The following DIS3L2 variants were observed in gnomAD, a reference collection of about 807,000 sequenced individuals.
The protein encoded by DIS3L2 is DIS3-like exonuclease 2.
In DIS3L2, 34 loss-of-function variants were observed where a neutral mutation model predicts 97.5. The ratio of observed to expected loss-of-function variants is 0.35; its 90% CI spans 0.27 to 0.46. DIS3L2 has a LOEUF of 0.46. Ranked by LOEUF, DIS3L2 falls within the 20% of genes least tolerant of loss-of-function variation. The pLI is 1.00. For synonymous variants in DIS3L2, 435 were observed against 445.2 expected (o/e 0.98, Z 0.29); for missense variants, 1,038 against 1,146.0 (o/e 0.91, Z 1.36).
At chr2:232,343,759 C>A in exon 14 of DIS3L2, 1 of 629,764 alleles carries the variant, frequency 1.6e-6, no homozygotes. Context: ...GCTATACCCT[C>A]TTCAGCCTTG....
intron 11 of DIS3L2, among the ~76,000 whole-genome samples, chr2:232,247,626 GGGGGGGGGGCGGGGGGGA>G (rs1693294165): frequency 1.7e-5 from 1 of 60,198 alleles, no homozygotes; most frequent in Non-Finnish European, 3.9e-5. Flanking sequence ...CGGGGGGGGG[GGGGGGGGGGCGGGGGGGA>G]GGGTGCCAAT....
At chr2:232,341,853 A>G (rs1011067902), downstream of DIS3L2, among the ~76,000 whole-genome samples, 4 of 152,176 alleles carry the variant, frequency 2.6e-5, no homozygotes, top group Admixed American at 6.5e-5. Flanking sequence ...AGGAAGCCCA[A>G]GCAGCTCTGG....
chr2:232,084,263 A>G (rs1361042903), intron 5 of DIS3L2, among the ~76,000 whole-genome samples: 1 of 152,172 alleles, frequency 6.6e-6, no homozygotes, highest in African/African-American at 2.4e-5. Flanking sequence ...CAGGCTGTGT[A>G]TTCCTTATCC....
intron 9 of DIS3L2, among the ~76,000 whole-genome samples, chr2:232,203,570 T>C (rs1691952967): frequency 6.6e-6 from 1 of 152,214 alleles, no homozygotes; most frequent in South Asian, 2.1e-4. Flanking sequence ...GTCCATCAGC[T>C]ATTCATTACA....
At chr2:232,086,277 A>ACACGTATAGACGTG (rs1491289321) in intron 5 of DIS3L2, among the ~76,000 whole-genome samples, 8 of 150,290 alleles carry the variant, frequency 5.3e-5, no homozygotes, top group Non-Finnish European at 7.4e-5. Flanking sequence ...GTGTATATAC[A>ACACGTATAGACGTG]TATACGTATA....
chr2:232,155,988 T>TAA (rs58242528), intron 8 of DIS3L2, among the ~76,000 whole-genome samples: 1 of 137,302 alleles, frequency 7.3e-6, no homozygotes. Context: ...AGACTCCATC[T>TAA]AAAAAAAAAA....
At chr2:232,003,566 A>G (rs1202393045) in intron 1 of DIS3L2, among the ~76,000 whole-genome samples, 1 of 152,186 alleles carries the variant, frequency 6.6e-6, no homozygotes, top group East Asian at 1.9e-4. Context: ...CTGAAAATCC[A>G]GTTTTGCTCT....
chr2:232,166,656 C>G (rs1690831227), intron 9 of DIS3L2, among the ~76,000 whole-genome samples: 1 of 152,094 alleles, frequency 6.6e-6, no homozygotes, highest in African/African-American at 2.4e-5. Flanking sequence ...GCGGAGGTTG[C>G]AGTGAGCCAA....
intron 1 of DIS3L2, among the ~76,000 whole-genome samples, chr2:232,013,410 C>A (rs1294407325): frequency 6.6e-6 from 1 of 152,232 alleles, no homozygotes; most frequent in Admixed American, 6.5e-5. Flanking sequence ...CTTGCCACTG[C>A]CTCCCTTCAT....
At chr2:232,317,778 T>C (rs1695317512) in intron 14 of DIS3L2, among the ~76,000 whole-genome samples, 2 of 152,224 alleles carry the variant, frequency 1.3e-5, no homozygotes, top group Admixed American at 6.5e-5. Flanking sequence ...CTCTGAATTG[T>C]CACTGAATTA....
chr2:232,208,801 G>T lies in DIS3L2; in HGVS notation c.1125-1525G>T, dbSNP rs549102517. On this transcript the variant is annotated intron_variant, in intron 9 of 20. Transcript: ENST00000325385. ...CCAGCACTTTGGGAGGCCAAGTTGAGAGGATCCCTTGAAGCCAGGAGTTTG... is the reference window on the plus strand; with the variant it reads ...CCAGCACTTTGGGAGGCCAAGTTGATAGGATCCCTTGAAGCCAGGAGTTTG... Among the ~76,000 whole-genome samples, 5 of 152,246 alleles carry T rather than the reference G, an allele frequency of 3.3e-5. No individual in the cohort carries two copies. In the South Asian group the frequency reaches 1.0e-3, roughly 32 times the overall value.
At chr2:232,256,047 T>C (rs1175944393) in intron 12 of DIS3L2, among the ~76,000 whole-genome samples, 7 of 152,254 alleles carry the variant, frequency 4.6e-5, no homozygotes, top group African/African-American at 1.7e-4. Context: ...TTGCCCCACG[T>C]CATCTCCTCT....
At chr2:232,002,834 C>T (rs989055684) in intron 1 of DIS3L2, among the ~76,000 whole-genome samples, 1 of 152,112 alleles carries the variant, frequency 6.6e-6, no homozygotes, top group Non-Finnish European at 1.5e-5. Flanking sequence ...TGTCTTTTTG[C>T]ACAAATGATC....
intron 6 of DIS3L2, among the ~76,000 whole-genome samples, chr2:232,111,880 G>A (rs1433751390): frequency 6.6e-6 from 1 of 152,192 alleles, no homozygotes. Context: ...ACATAGAAGA[G>A]TAAAGAACCA....
intron 5 of DIS3L2, among the ~76,000 whole-genome samples, chr2:232,083,871 T>G (rs1310586828): frequency 2.0e-5 from 3 of 152,130 alleles, no homozygotes; most frequent in Admixed American, 6.5e-5. Context: ...TGCCCAGAAC[T>G]TCTCTCTCTG....
rs184678172 is a variant in DIS3L2, at chr2:232,269,943, C to A, written c.1659+6503C>A. Reference sequence around the variant, plus strand: ...AAGAGAGAAATGATGAGGGCCTAACCTGAGGTAGGGACCGTGGGGTGAGAG... The same window carrying A: ...AAGAGAGAAATGATGAGGGCCTAACATGAGGTAGGGACCGTGGGGTGAGAG... On this transcript the variant is annotated intron_variant, in intron 13 of 20. Coordinates refer to ENST00000325385, the MANE Select transcript of DIS3L2 (RefSeq NM_152383.5). This position sits in a 1 kb window ranked among gnomAD's most constrained non-coding sequence, Gnocchi z 4.5. Among the ~76,000 whole-genome samples the A allele has an allele frequency of 6.6e-6, 1 of 152,240 alleles. No individual in the cohort carries two copies. Among genetic ancestry groups the A allele is most frequent in the East Asian group, 1.9e-4 (1 of 5,182 alleles).
chr2:232,191,227 G>C (rs1266752257), intron 9 of DIS3L2, among the ~76,000 whole-genome samples: 2 of 152,202 alleles, frequency 1.3e-5, no homozygotes, highest in Non-Finnish European at 2.9e-5. Flanking sequence ...TGAGCTTGCT[G>C]GCAAGTGGTG....
Position 232,170,371 on chromosome 2 carries a change from A to G in DIS3L2, c.1124+6739A>G, listed in dbSNP as rs530066832. Among the ~76,000 whole-genome samples the G allele has an allele frequency of 9.8e-5, 15 of 152,298 alleles. 1 individual carries two copies. The highest frequency in any genetic ancestry group is 3.6e-4 in the African/African-American group (15 of 41,568). On this transcript the variant is annotated intron_variant, in intron 9 of 20. Transcript: ENST00000325385. ...AAAATACCACACTAAACCGATCTTT[A>G]TGTTTCTCCTATAGTTAGTATTATT...
chr2:231,971,085 C>G (rs911456141), intron 1 of DIS3L2, among the ~76,000 whole-genome samples: 5 of 152,142 alleles, frequency 3.3e-5, no homozygotes, highest in Non-Finnish European at 7.3e-5. Context: ...GCTGTCATCT[C>G]CAGTAACAGT....
Sources: gnomAD v4.1 joint callset for allele counts (sites outside exome capture counted in the v4.1 genomes callset) on GRCh38, gnomAD v4.1.1 for gene constraint, Gnocchi (gnomAD v3.1) non-coding constraint, MANE v1.5 for transcripts, NCBI Gene and HGNC (gene_info 2026-07-23, HGNC 2026-07-21) for gene names.